Variants in DOK5 observed in about 807,000 individuals in gnomAD.
DOK5 encodes the protein downstream of tyrosine kinase 5.
A neutral mutation model predicts 43.3 loss-of-function variants in DOK5; 27 were observed. The ratio of observed to expected loss-of-function variants is 0.62; its 90% CI spans 0.46 to 0.86. DOK5 has a LOEUF of 0.86. Among genes scored for constraint, DOK5 ranks in the 40% least tolerant of loss-of-function variants. The probability of loss-of-function intolerance (pLI) is 0.00; values close to 1 mark genes in which losing one functional copy is unlikely to be tolerated. For synonymous variants in DOK5, 146 were observed against 140.1 expected, an observed-to-expected ratio of 1.04 and a Z score of -0.30; for missense variants, 373 against 392.9, an observed-to-expected ratio of 0.95 and a Z score of 0.43.
At chr20:54,552,497 A>G (rs1268039722) in intron 1 of DOK5, among the ~76,000 whole-genome samples, 1 of 151,790 alleles carries the variant, frequency 6.6e-6, no homozygotes, top group African/African-American at 2.4e-5. Flanking sequence ...TATCTTACAG[A>G]TGTATAACAT....
chr20:54,538,991 A>G (rs1364802152), intron 1 of DOK5, among the ~76,000 whole-genome samples: 1 of 152,146 alleles, frequency 6.6e-6, no homozygotes, highest in Non-Finnish European at 1.5e-5. Flanking sequence ...ATTATATCAA[A>G]GGAGAACAGG....
At chr20:54,578,805 A>G (rs1013581664) in intron 2 of DOK5, among the ~76,000 whole-genome samples, 4 of 152,134 alleles carry the variant, frequency 2.6e-5, no homozygotes, top group Non-Finnish European at 4.4e-5. Flanking sequence ...GAAATGCTTT[A>G]TTTTCTTTGT....
At chr20:54,534,408 T>G (rs1377852585) in intron 1 of DOK5, among the ~76,000 whole-genome samples, 1 of 152,172 alleles carries the variant, frequency 6.6e-6, no homozygotes, top group South Asian at 2.1e-4. Flanking sequence ...AGGCTGGTCT[T>G]GAATTCCTGG....
chr20:54,595,619 C>A (rs1021120546), intron 5 of DOK5, among the ~76,000 whole-genome samples: 1 of 152,194 alleles, frequency 6.6e-6, no homozygotes, highest in African/African-American at 2.4e-5. Context: ...ATAATATTCA[C>A]AACCCAGGCC....
intron 2 of DOK5, among the ~76,000 whole-genome samples, chr20:54,577,462 T>C (rs554710130): frequency 2.0e-5 from 3 of 152,222 alleles, no homozygotes; most frequent in Non-Finnish European, 4.4e-5. Context: ...ACTGCTAAAA[T>C]AAAACTGATA....
Position 54,589,811 on chromosome 20 carries a change from A to G in DOK5, c.409+1005A>G, listed in dbSNP as rs1985925930. The stretch of plus-strand genomic sequence containing the variant: ...ACATTTACAATCTGTGACTCTTTGG[A>G]TGCACCATATCTGCCATAACCCATC... On this transcript the variant is annotated intron_variant, in intron 4 of 7. Coordinates refer to ENST00000262593, the MANE Select transcript of DOK5 (RefSeq NM_018431.5). Among the ~76,000 whole-genome samples, 3 of 152,298 alleles carry G rather than the reference A, an allele frequency of 2.0e-5. No individual in the cohort carries two copies. The South Asian group carries it at 6.2e-4, about 32-fold the overall frequency.
intron 2 of DOK5, among the ~76,000 whole-genome samples, chr20:54,575,810 G>A (rs1298630190): frequency 1.3e-5 from 2 of 152,198 alleles, no homozygotes; most frequent in Non-Finnish European, 2.9e-5. Flanking sequence ...AAGCAAGTGT[G>A]TGCACGTGTG....
chr20:54,642,431 T>C (rs924325589), intron 6 of DOK5, among the ~76,000 whole-genome samples: 2 of 151,448 alleles, frequency 1.3e-5, no homozygotes, highest in Admixed American at 1.3e-4. Context: ...AGGCTGGGTG[T>C]GGTGGCTGAC....
At chr20:54,560,542 T>C (rs1984864791) in intron 2 of DOK5, among the ~76,000 whole-genome samples, 1 of 152,208 alleles carries the variant, frequency 6.6e-6, no homozygotes, top group African/African-American at 2.4e-5. Flanking sequence ...GTCAAGGAAG[T>C]ATGAGTCAGT....
At chr20:54,565,878 C>A (rs768830342) in intron 2 of DOK5, among the ~76,000 whole-genome samples, 7 of 151,946 alleles carry the variant, frequency 4.6e-5, no homozygotes, top group South Asian at 4.2e-4. Flanking sequence ...ATTAGCCGGG[C>A]GTGGTGGTGT....
At chr20:54,484,133 C>T (rs1006144927) in intron 1 of DOK5, among the ~76,000 whole-genome samples, 1 of 152,140 alleles carries the variant, frequency 6.6e-6, no homozygotes, top group Non-Finnish European at 1.5e-5. Flanking sequence ...AATCCCAGCA[C>T]TTTGGGAGGC....
intron 1 of DOK5, among the ~76,000 whole-genome samples, chr20:54,519,081 TAGG>T (rs1461797004): frequency 1.3e-5 from 2 of 152,188 alleles, no homozygotes; most frequent in Non-Finnish European, 2.9e-5. Flanking sequence ...TGTGAAGAAA[TAGG>T]AGCACTTTTA....
At chr20:54,616,436 G>T (rs1169562378) in intron 6 of DOK5, among the ~76,000 whole-genome samples, 1 of 152,134 alleles carries the variant, frequency 6.6e-6, no homozygotes, top group East Asian at 1.9e-4. Flanking sequence ...GCAAAGCTCT[G>T]GCAGTGCTGA....
chr20:54,561,724 C>G (rs1196185837), intron 2 of DOK5, among the ~76,000 whole-genome samples: 1 of 152,170 alleles, frequency 6.6e-6, no homozygotes, highest in Non-Finnish European at 1.5e-5. Flanking sequence ...GGTGCGATCT[C>G]GGCTCACCGC....
At chr20:54,634,587 G>A (rs539679749) in intron 6 of DOK5, among the ~76,000 whole-genome samples, 212 of 151,668 alleles carry the variant, frequency 1.4e-3, no homozygotes, top group African/African-American at 4.8e-3. Context: ...GACTACAGGC[G>A]CCCGCCACCA....
intron 2 of DOK5, among the ~76,000 whole-genome samples, chr20:54,579,811 TGGG>T (rs1033672853): frequency 1.3e-5 from 2 of 152,134 alleles, no homozygotes; most frequent in Non-Finnish European, 2.9e-5. Flanking sequence ...CTTTAAGTTC[TGGG>T]GTACATGTGC....
chr20:54,490,750 C>T (rs1184849483), intron 1 of DOK5, among the ~76,000 whole-genome samples: 1 of 152,202 alleles, frequency 6.6e-6, no homozygotes, highest in Non-Finnish European at 1.5e-5. Context: ...CCACCACGCC[C>T]AGCTAATTTT....
At chr20:54,620,889 C>A (rs1290334021) in intron 6 of DOK5, among the ~76,000 whole-genome samples, 1 of 151,856 alleles carries the variant, frequency 6.6e-6, no homozygotes, top group Non-Finnish European at 1.5e-5. Context: ...CCCATTCTTG[C>A]GGAGCTTATT....
chr20:54,494,218 T>C (rs144632447), intron 1 of DOK5, among the ~76,000 whole-genome samples: 183 of 152,362 alleles, frequency 1.2e-3, no homozygotes, highest in African/African-American at 4.3e-3. Flanking sequence ...CGCTTTATTG[T>C]TGTACTCTTA....
Sources: gnomAD v4.1 joint callset for allele counts (sites outside exome capture counted in the v4.1 genomes callset) on GRCh38, gnomAD v4.1.1 for gene constraint, MANE v1.5 for transcripts, NCBI Gene and HGNC (gene_info 2026-07-23, HGNC 2026-07-21) for gene names.